Variants in CENPK observed in about 807,000 individuals in gnomAD.
CENPK encodes SoxLZ/Sox6-binding protein Solt.
Under a neutral mutation model 40.9 loss-of-function variants are expected in CENPK, and 46 were observed. That is an observed-to-expected ratio of 1.13 (90% CI 0.89 to 1.44). The LOEUF (loss-of-function observed/expected upper bound fraction) is 1.44. CENPK is among the 40% of genes most tolerant of loss of function. The probability of loss-of-function intolerance (pLI) is 0.00; values close to 1 mark genes in which losing one functional copy is unlikely to be tolerated. For missense variants in CENPK, 288 were observed against 303.5 expected, an observed-to-expected ratio of 0.95 and a Z score of 0.38; for synonymous variants, 107 against 104.4, an observed-to-expected ratio of 1.02 and a Z score of -0.15.
intron 9 of CENPK, chr5:65,524,788 A>G (rs1275087847): frequency 6.5e-6 from 1 of 153,658 alleles, no homozygotes; most frequent in Non-Finnish European, 1.5e-5. Context: ...AGTTCTGAAT[A>G]AAATATAACC....
intron 5 of CENPK, among the ~76,000 whole-genome samples, chr5:65,546,227 T>C (rs13182106): frequency 6.6e-6 from 1 of 151,422 alleles, no homozygotes; most frequent in Non-Finnish European, 1.5e-5. Flanking sequence ...TATTCTCCCC[T>C]GCCCCCCCGC....
In CENPK at chr5:65,528,479, C is replaced by A; in HGVS notation, c.570G>T (p.Leu190=). 1 of 1,603,576 alleles carries A rather than the reference C, an allele frequency of 6.2e-7. No individual in the cohort carries two copies. Among genetic ancestry groups the A allele is most frequent in the African/African-American group, 1.3e-5 (1 of 74,264 alleles). The change falls in exon 9 of 11, where the codon CTG becomes CTT. Residue 190 remains leucine (L), a synonymous_variant. Transcript: ENST00000396679. ...LGEFLEDHFP[L]PDRSVKKKKK... ...TTTTCTTTTTAACACTTCTATCAGG[C>A]AGAGGAAAATGGTCTTCTAGAAACT...
At chr5:65,551,824 C>G (rs1198618314) in intron 4 of CENPK, among the ~76,000 whole-genome samples, 188 bp from the exon 5 acceptor site, 1 of 152,144 alleles carries the variant, frequency 6.6e-6, no homozygotes, top group South Asian at 2.1e-4. Flanking sequence ...ATTCCTACAG[C>G]AATTCCATAA....
At chr5:65,553,566 GT>G (rs781563047) in intron 3 of CENPK, among the ~76,000 whole-genome samples, 14 of 152,108 alleles carry the variant, frequency 9.2e-5, no homozygotes, top group Non-Finnish European at 1.5e-4. Flanking sequence ...ATTAATTAAT[GT>G]TTTCACTCAT....
the CENPK span, among the ~76,000 whole-genome samples, chr5:65,499,373 G>C: frequency 6.6e-6 from 1 of 151,478 alleles, no homozygotes; most frequent in African/African-American, 2.4e-5. Context: ...CTCGGTGCTT[G>C]ATGAAAATCT....
the CENPK span, among the ~76,000 whole-genome samples, chr5:65,503,940 GTCACCGT>G: frequency 6.6e-6 from 1 of 150,492 alleles, no homozygotes; most frequent in Non-Finnish European, 1.5e-5. Context: ...ACAGGCGTGA[GTCACCGT>G]GCCCGGCCTG....
rs1285463013 is a variant in CENPK at position 65,528,431 on chromosome 5, A to C, written c.597+21T>G. 2.5e-6 allele frequency: 4 copies of C among 1,569,682 alleles called. No individual in the cohort carries two copies. In the South Asian group the frequency reaches 4.8e-5, roughly 19 times the overall value. On this transcript the variant is annotated intron_variant, in intron 9 of 10. Transcript: ENST00000396679. ...AATTTCAAATATGATAATTTACATA[A>C]ATGTCTTCTCTAAAACTTACCTTTT... is the stretch of plus-strand genomic sequence containing the variant.
chr5:65,504,456 T>TC, the CENPK span, among the ~76,000 whole-genome samples: 1,339 of 22,516 alleles, frequency 0.059, 9 homozygotes, highest in Non-Finnish European at 0.09. Flanking sequence ...AAATTCCGTA[T>TC]CAAAAAAAAA....
At chr5:65,528,303 G>T (rs930165452) in intron 9 of CENPK, 149 bp downstream of exon 9, 2 of 380,120 alleles carry the variant, frequency 5.3e-6, no homozygotes, top group Non-Finnish European at 4.0e-6. Context: ...TAATTAGGTT[G>T]CTTCTAGTCT....
At chr5:65,527,361 G>C (rs528671621) in intron 9 of CENPK, among the ~76,000 whole-genome samples, 3 of 151,504 alleles carry the variant, frequency 2.0e-5, no homozygotes, top group Non-Finnish European at 4.4e-5. Flanking sequence ...GAAGTCCATA[G>C]TATAAATCCT....
At chr5:65,548,052 A>G (rs1042137504) in intron 5 of CENPK, among the ~76,000 whole-genome samples, 11 of 152,210 alleles carry the variant, frequency 7.2e-5, no homozygotes, top group African/African-American at 2.7e-4. Flanking sequence ...AATTAAAGGA[A>G]AGAAAACAGA....
the CENPK span, among the ~76,000 whole-genome samples, chr5:65,496,033 G>A: frequency 6.6e-6 from 1 of 152,290 alleles, no homozygotes; most frequent in African/African-American, 2.4e-5. Flanking sequence ...AAGGTGAGTG[G>A]ATTGCTTGAG....
chr5:65,513,764 G>A (rs1742667803), downstream of CENPK, among the ~76,000 whole-genome samples: 1 of 152,194 alleles, frequency 6.6e-6, no homozygotes, highest in Non-Finnish European at 1.5e-5. Flanking sequence ...AAATAGGAAT[G>A]ATGCGATCTA....
chr5:65,539,863 G>A (rs1160236489), intron 6 of CENPK, among the ~76,000 whole-genome samples: 1 of 152,228 alleles, frequency 6.6e-6, no homozygotes, highest in African/African-American at 2.4e-5. Context: ...GGTGATCACT[G>A]CAGTCTCTGC....
intron 3 of CENPK, among the ~76,000 whole-genome samples, chr5:65,552,877 G>A (rs942913764): frequency 7.3e-5 from 11 of 151,572 alleles, no homozygotes; most frequent in African/African-American, 2.7e-4. Flanking sequence ...AAAATAACAA[G>A]TAAGAAGATA....
At chr5:65,515,528 T>C (rs1742798986), downstream of CENPK, among the ~76,000 whole-genome samples, 1 of 152,144 alleles carries the variant, frequency 6.6e-6, no homozygotes, top group African/African-American at 2.4e-5. Flanking sequence ...TGATAACTTG[T>C]AGTTTCATTT....
intron 6 of CENPK, among the ~76,000 whole-genome samples, chr5:65,531,791 T>C (rs1340072220): frequency 1.3e-5 from 2 of 152,140 alleles, no homozygotes; most frequent in Middle Eastern, 3.4e-3. Context: ...CGTGAGCCAC[T>C]GCGCCCGGCC....
chr5:65,561,719 C>T (rs570808789), intron 1 of CENPK, among the ~76,000 whole-genome samples, 155 bp from the exon 2 acceptor site: 1 of 152,076 alleles, frequency 6.6e-6, no homozygotes, highest in African/African-American at 2.4e-5. Context: ...GTTAGGACTA[C>T]AATACTTAAT....
In CENPK at chr5:65,557,124, G is replaced by A. The variant is rs117549974; in HGVS notation, c.-39-2178C>T. Among the ~76,000 whole-genome samples, 49 of 152,252 alleles carry A rather than the reference G, an allele frequency of 3.2e-4. No homozygotes were observed. In the East Asian group the frequency reaches 8.7e-3, roughly 27 times the overall value. The stretch of plus-strand genomic sequence containing the variant: ...AGAACCAACTGAATAGTCTGAGAAG[G>A]AGCACTCAGTAAGTTAAGAGGAAAA... On this transcript the variant is annotated intron_variant, in intron 2 of 10. Transcript: ENST00000396679.
Sources: allele counts gnomAD v4.1 joint callset (sites outside exome capture counted in the v4.1 genomes callset), GRCh38; gene constraint gnomAD v4.1.1; transcripts MANE v1.5; gene names NCBI Gene and HGNC (gene_info 2026-07-23, HGNC 2026-07-21).